Variants in ZNF57 observed in about 807,000 individuals in gnomAD.
ZNF57 encodes the protein zinc finger protein 424.
In ZNF57, 11 loss-of-function variants were observed where a neutral mutation model predicts 13.4. That is an observed-to-expected ratio of 0.82 (90% CI 0.52 to 1.36). The LOEUF (loss-of-function observed/expected upper bound fraction) is 1.36. ZNF57 is among the 40% of genes most tolerant of loss of function. ZNF57 has a pLI of 0.00. For missense variants in ZNF57, 696 were observed against 667.5 expected (o/e 1.04, Z -0.47); for synonymous variants, 224 against 238.5 (o/e 0.94, Z 0.56).
At position 2,906,622 on chromosome 19, in the gene ZNF57, G is replaced by T. The variant is rs908152549; in HGVS notation, c.3+5574G>T. On this transcript the variant is annotated intron_variant, in intron 1 of 3. Coordinates refer to ENST00000306908, the MANE Select transcript of ZNF57 (RefSeq NM_173480.3). ...GTAAAGAAACAGTCCAAAGCCACAC[G>T]GTCATCTGCTGCGTGGCTACCAGGG... Among the ~76,000 whole-genome samples the T allele has an allele frequency of 2.0e-5, 3 of 152,286 alleles. No homozygotes were observed. The East Asian group carries it at 5.8e-4, about 29-fold the overall frequency.
Position 2,916,264 on chromosome 19 carries a change from C to G in ZNF57, c.302+15C>G, listed in dbSNP as rs372664899. The stretch of plus-strand genomic sequence containing the variant: ...AAAAATCTGAGGTGAGTTGCACTCA[C>G]AAGAGAAAAATCCTTGTATGCAATT... On this transcript the variant is annotated intron_variant, in intron 3 of 3. Transcript: ENST00000306908. The G allele has an allele frequency of 6.3e-7, 1 of 1,580,510 alleles. No individual in the cohort carries two copies. Among genetic ancestry groups the G allele is most frequent in the Non-Finnish European group, 8.6e-7 (1 of 1,165,270 alleles).
At position 2,916,188 on chromosome 19, in the gene ZNF57, G is replaced by T. The variant is rs769462741; in HGVS notation, c.241G>T (p.Ala81Ser). The T allele has an allele frequency of 1.2e-6, 2 of 1,613,862 alleles. No homozygotes were observed. ...AAACTTCACAGGAAATAATTCCTGTGCCTACACTTTAGAAAAAAATTGTGA... is the reference window on the plus strand; with the variant it reads ...AAACTTCACAGGAAATAATTCCTGTTCCTACACTTTAGAAAAAAATTGTGA... Reference protein sequence around the residue: ...IPNFTGNNSCAYTLEKNCEGY... With the variant: ...IPNFTGNNSCSYTLEKNCEGY... The change falls in exon 3 of 4, where the codon GCC (alanine) becomes TCC (serine). Residue 81 changes from alanine (A) to serine (S), a missense_variant. By Grantham distance (99) the Ala-to-Ser change is moderately conservative. This residue lies in a region of ZNF57 where 645 missense variants were observed against 591.5 expected (regional missense o/e 1.09). Transcript: ENST00000306908.
At chr19:2,907,140 G>A (rs532663233) in intron 1 of ZNF57, 16 of 152,358 alleles carry the variant, frequency 1.1e-4, no homozygotes, top group African/African-American at 3.8e-4. Flanking sequence ...TGATCGCACA[G>A]ATGGGTCAGA....
chr19:2,915,617 G>T lies in ZNF57; in HGVS notation c.99G>T (p.Met33Ile), dbSNP rs2088184557. The T allele has an allele frequency of 1.2e-6, 2 of 1,613,906 alleles. No individual in the cohort carries two copies. The highest frequency in any genetic ancestry group is 8.5e-7 in the Non-Finnish European group (1 of 1,179,908). Reference protein sequence around the residue: ...SAQRDLYRDVMLETFRNLASV... With the variant: ...SAQRDLYRDVILETFRNLASV... ...AGAGGGACCTCTACAGAGATGTGAT[G>T]CTGGAGACCTTCCGGAACCTGGCCT... Residue 33 changes from methionine (M) to isoleucine (I), a missense_variant, in exon 2 of 4, where the codon ATG becomes ATT. Transcript: ENST00000306908.
At chr19:2,907,551 C>T (rs577253553) in intron 1 of ZNF57, among the ~76,000 whole-genome samples, 1 of 152,304 alleles carries the variant, frequency 6.6e-6, no homozygotes, top group African/African-American at 2.4e-5. Flanking sequence ...CCATTCTTTT[C>T]CATTGGTTCG....
intron 1 of ZNF57, among the ~76,000 whole-genome samples, chr19:2,905,697 G>A (rs1275135246): frequency 3.7e-4 from 55 of 148,990 alleles, no homozygotes; most frequent in African/African-American, 1.3e-3. Flanking sequence ...CCCAGGAGAC[G>A]GAGGTTGCAG....
At chr19:2,916,863 T>C in intron 3 of ZNF57, 61 bp from the exon 4 acceptor site, 1 of 1,368,164 alleles carries the variant, frequency 7.3e-7, no homozygotes, top group Non-Finnish European at 9.9e-7. Flanking sequence ...TACTTGTTAA[T>C]ACATCTCAAC....
At chr19:2,907,453 C>G (rs1483757489) in intron 1 of ZNF57, among the ~76,000 whole-genome samples, 1 of 152,186 alleles carries the variant, frequency 6.6e-6, no homozygotes, top group Non-Finnish European at 1.5e-5. Context: ...GCCAGCTACC[C>G]TCTTGCACTT....
chr19:2,912,261 G>GGTA (rs1472047640), intron 1 of ZNF57: 2 of 152,178 alleles, frequency 1.3e-5, no homozygotes, highest in Non-Finnish European at 2.9e-5. Context: ...TCTTTCCACA[G>GGTA]GTAATTTAGA....
intron 1 of ZNF57, among the ~76,000 whole-genome samples, chr19:2,908,584 T>C (rs1358143222): frequency 2.0e-5 from 3 of 150,030 alleles, no homozygotes; most frequent in Non-Finnish European, 4.4e-5. Context: ...CACGCCCGGC[T>C]AATTTTTTGC....
intron 1 of ZNF57, among the ~76,000 whole-genome samples, chr19:2,905,267 C>T (rs1209763313): frequency 3.3e-5 from 5 of 151,776 alleles, no homozygotes; most frequent in Middle Eastern, 3.4e-3. Context: ...AGGGTTCAAG[C>T]GATTCTTCTG....
Position 2,901,152 on chromosome 19 carries a change from G to C in ZNF57, c.3+104G>C, listed in dbSNP as rs1019662305. On this transcript the variant is annotated intron_variant, in intron 1 of 3. Coordinates refer to ENST00000306908, the MANE Select transcript of ZNF57 (RefSeq NM_173480.3). ...GCGGCCGGGATTGGCTGAGGGACGC[G>C]CGGGGCGGCGCAGGACTAGCACCTG... 1.6e-5 allele frequency: 22 copies of C among 1,417,272 alleles called. 1 individual carries two copies. The African/African-American group carries it at 1.9e-4, about 12-fold the overall frequency. 87.8% of individuals were successfully genotyped at this position (1,417,272 alleles called of 1,614,324 possible). A position where few individuals can be genotyped will look rare whatever the true frequency, so the allele number is the denominator to read the frequency against.
chr19:2,917,008 G>A lies in ZNF57; in HGVS notation c.387G>A (p.Leu129=), dbSNP rs747259502. The change falls in exon 4 of 4, where the codon CTG becomes CTA. Residue 129 remains leucine, a synonymous_variant. Transcript: ENST00000306908. The part of the protein sequence containing the change: ...EAIHQMPDLT[L]HKKVSAGEKP... ...TCCATCAAATGCCAGATCTTACCCT[G>A]CACAAGAAAGTTTCTGCTGGAGAAA... 7 of 1,614,124 alleles carry A rather than the reference G, an allele frequency of 4.3e-6. No homozygotes were observed. The highest frequency in any genetic ancestry group is 5.9e-6 in the Non-Finnish European group (7 of 1,180,022).
At chr19:2,913,445 A>G (rs2088158701) in intron 1 of ZNF57, among the ~76,000 whole-genome samples, 1 of 152,104 alleles carries the variant, frequency 6.6e-6, no homozygotes, top group Non-Finnish European at 1.5e-5. Flanking sequence ...TCTTTAGGAT[A>G]GGTATTTATA....
intron 1 of ZNF57, among the ~76,000 whole-genome samples, chr19:2,902,626 C>A (rs939413945): frequency 6.6e-6 from 1 of 152,102 alleles, no homozygotes; most frequent in Non-Finnish European, 1.5e-5. Flanking sequence ...GCAGAGTTTG[C>A]GACAGTGTGT....
intron 1 of ZNF57, 94 bp from the exon 2 acceptor site, chr19:2,915,428 C>A: frequency 6.5e-7 from 1 of 1,528,408 alleles, no homozygotes; most frequent in East Asian, 2.3e-5. Context: ...TGTTGGGACA[C>A]CACAGAATCT....
chr19:2,906,373 G>C (rs1279671388), intron 1 of ZNF57, among the ~76,000 whole-genome samples: 1 of 152,232 alleles, frequency 6.6e-6, no homozygotes, highest in Non-Finnish European at 1.5e-5. Context: ...AATTTTAAAA[G>C]GCTAATGCCC....
At chr19:2,913,596 A>G (rs780022900) in intron 1 of ZNF57, among the ~76,000 whole-genome samples, 22 of 151,858 alleles carry the variant, frequency 1.4e-4, no homozygotes, top group African/African-American at 2.2e-4. Flanking sequence ...GAATTTGCCA[A>G]ATTTTCTGTA....
intron 3 of ZNF57, 111 bp from the exon 4 acceptor site, chr19:2,916,813 A>G: frequency 1.1e-6 from 1 of 929,874 alleles, no homozygotes; most frequent in Non-Finnish European, 1.6e-6. Flanking sequence ...GAATAGAAAA[A>G]CTTCACGTAT....
Sources: gnomAD v4.1 joint callset for allele counts (sites outside exome capture counted in the v4.1 genomes callset) on GRCh38, gnomAD v4.1.1 for gene constraint, gnomAD v4.1.1 regional missense constraint, MANE v1.5 for transcripts, NCBI Gene and HGNC (gene_info 2026-07-23, HGNC 2026-07-21) for gene names.